The following FBXL17 variants were observed in gnomAD, a reference collection of about 807,000 sequenced individuals.
FBXL17 encodes F-box/LRR-repeat protein 17.
A neutral mutation model predicts 66.2 loss-of-function variants in FBXL17; 22 were observed. The ratio of observed to expected loss-of-function variants is 0.33; its 90% CI spans 0.24 to 0.47. The LOEUF (loss-of-function observed/expected upper bound fraction) is 0.47, where lower values mean the gene tolerates loss of function less well. Among genes scored for constraint, FBXL17 ranks in the 20% least tolerant of loss-of-function variants. The pLI is 1.00. For missense variants in FBXL17, 878 were observed against 948.2 expected, an observed-to-expected ratio of 0.93 and a Z score of 0.97; for synonymous variants, 474 against 400.5, an observed-to-expected ratio of 1.18 and a Z score of -2.19.
At chr5:108,376,786 CTTTT>C (rs11286870) in intron 1 of FBXL17, among the ~76,000 whole-genome samples, 1 of 110,014 alleles carries the variant, frequency 9.1e-6, no homozygotes, top group Non-Finnish European at 2.0e-5. Context: ...AGTGTATATT[CTTTT>C]TTTTTTTTTT....
intron 6 of FBXL17, among the ~76,000 whole-genome samples, chr5:108,062,687 T>A (rs1316465598): frequency 6.6e-6 from 1 of 152,182 alleles, no homozygotes; most frequent in African/African-American, 2.4e-5. Context: ...TTTTGGAGAA[T>A]AAACCATTCA....
At chr5:108,090,423 A>G (rs1319028578) in intron 6 of FBXL17, among the ~76,000 whole-genome samples, 1 of 152,148 alleles carries the variant, frequency 6.6e-6, no homozygotes, top group Non-Finnish European at 1.5e-5. Context: ...TCAGCATTTA[A>G]TGGTCCCCCC....
At chr5:108,021,312 A>C (rs993553456) in intron 6 of FBXL17, among the ~76,000 whole-genome samples, 1 of 149,254 alleles carries the variant, frequency 6.7e-6, no homozygotes, top group Admixed American at 6.7e-5. Flanking sequence ...TATTATTTAT[A>C]TAATAATAAT....
chr5:108,159,316 T>A (rs1282092616), intron 6 of FBXL17, among the ~76,000 whole-genome samples: 1 of 152,168 alleles, frequency 6.6e-6, no homozygotes, highest in Non-Finnish European at 1.5e-5. Flanking sequence ...ACCTTTCAGA[T>A]CTGTAATAAT....
At chr5:108,217,934 T>C (rs1754678567) in intron 5 of FBXL17, among the ~76,000 whole-genome samples, 1 of 152,176 alleles carries the variant, frequency 6.6e-6, no homozygotes, top group Admixed American at 6.5e-5. Flanking sequence ...ATCCATGTTG[T>C]TGCAAATGAC....
At chr5:108,248,389 A>T (rs1756202273) in intron 4 of FBXL17, among the ~76,000 whole-genome samples, 1 of 152,200 alleles carries the variant, frequency 6.6e-6, no homozygotes. Context: ...AAGATAGAAT[A>T]AAAAGTACCC....
At chr5:108,166,686 G>A (rs1181455012) in intron 6 of FBXL17, among the ~76,000 whole-genome samples, 1 of 152,144 alleles carries the variant, frequency 6.6e-6, no homozygotes. Flanking sequence ...AGAGCTTGCT[G>A]GCAGAAGGCT....
At chr5:107,941,412 G>T (rs902135271) in intron 7 of FBXL17, among the ~76,000 whole-genome samples, 1 of 152,112 alleles carries the variant, frequency 6.6e-6, no homozygotes, top group African/African-American at 2.4e-5. Flanking sequence ...AATACCCTCG[G>T]CTGAGTTACA....
intron 6 of FBXL17, among the ~76,000 whole-genome samples, chr5:108,142,436 G>T (rs981993772): frequency 1.3e-5 from 2 of 152,168 alleles, no homozygotes; most frequent in African/African-American, 2.4e-5. Flanking sequence ...TGGTAAATCA[G>T]TTGGACTTGA....
intron 6 of FBXL17, among the ~76,000 whole-genome samples, chr5:108,093,524 G>A (rs1749263056): frequency 6.6e-6 from 1 of 152,104 alleles, no homozygotes; most frequent in Admixed American, 6.6e-5. Flanking sequence ...TTGAAAAGCT[G>A]AAAAGGTAAT....
chr5:108,128,389 ATGACCAGTCAGT>A (rs1161580074), intron 6 of FBXL17, among the ~76,000 whole-genome samples: 1 of 152,122 alleles, frequency 6.6e-6, no homozygotes, highest in Non-Finnish European at 1.5e-5. Context: ...TTTCTCTAAT[ATGACCAGTCAGT>A]TGTGCTACTA....
chr5:108,024,845 AT>A (rs1003675576), intron 6 of FBXL17, among the ~76,000 whole-genome samples: 11 of 151,990 alleles, frequency 7.2e-5, no homozygotes, highest in Admixed American at 7.2e-4. Flanking sequence ...GCTAGATAGG[AT>A]TTTTTTTCAA....
intron 4 of FBXL17, among the ~76,000 whole-genome samples, chr5:108,239,905 G>A (rs1755777806): frequency 6.6e-6 from 1 of 151,942 alleles, no homozygotes; most frequent in Non-Finnish European, 1.5e-5. Context: ...GAGTCCTGAG[G>A]CCCGTATTCC....
intron 6 of FBXL17, among the ~76,000 whole-genome samples, chr5:108,091,497 C>T (rs1749186511): frequency 6.6e-6 from 1 of 152,188 alleles, no homozygotes; most frequent in Non-Finnish European, 1.5e-5. Flanking sequence ...ATACACCACC[C>T]ATTTGGGTAC....
intron 7 of FBXL17, among the ~76,000 whole-genome samples, chr5:107,979,556 T>TG (rs1382981532): frequency 2.0e-5 from 3 of 152,220 alleles, no homozygotes; most frequent in Non-Finnish European, 4.4e-5. Context: ...CAAGCCAGCA[T>TG]CCCTTGCTGA....
chr5:108,272,356 ATTT>A (rs200279924), intron 4 of FBXL17, among the ~76,000 whole-genome samples: 2 of 145,662 alleles, frequency 1.4e-5, no homozygotes. Flanking sequence ...GTTAGCTATA[ATTT>A]TTTTTTTTTT....
intron 8 of FBXL17, among the ~76,000 whole-genome samples, chr5:107,864,349 T>C (rs1748214698): frequency 6.6e-6 from 1 of 152,206 alleles, no homozygotes; most frequent in South Asian, 2.1e-4. Flanking sequence ...TTAAAATAAA[T>C]TAATCACCAA....
intron 4 of FBXL17, among the ~76,000 whole-genome samples, chr5:108,303,316 C>G (rs913804496): frequency 1.3e-5 from 2 of 150,734 alleles, no homozygotes; most frequent in Admixed American, 6.7e-5. Context: ...AGTCTCAGTT[C>G]AATTCCCCTT....
chr5:108,230,735 A>AT (rs1755298432), intron 4 of FBXL17, among the ~76,000 whole-genome samples: 1 of 151,222 alleles, frequency 6.6e-6, no homozygotes, highest in Non-Finnish European at 1.5e-5. Context: ...ATTTAAAAAA[A>AT]AAAAAAAGCA....
Sources: allele counts gnomAD v4.1 joint callset (sites outside exome capture counted in the v4.1 genomes callset), GRCh38; gene constraint gnomAD v4.1.1; transcripts MANE v1.5; gene names NCBI Gene and HGNC (gene_info 2026-07-23, HGNC 2026-07-21).